The following RBFOX3 variants were observed in gnomAD, a reference collection of about 807,000 sequenced individuals.
RBFOX3 encodes the protein RNA binding fox-1 homolog 3.
A neutral mutation model predicts 48.7 loss-of-function variants in RBFOX3; 17 were observed. That is an observed-to-expected ratio of 0.35 (90% CI 0.24 to 0.52). The LOEUF (loss-of-function observed/expected upper bound fraction) is 0.52. Ranked by LOEUF, RBFOX3 falls within the 20% of genes least tolerant of loss-of-function variation. The probability of loss-of-function intolerance (pLI) is 0.94; values close to 1 mark genes in which losing one functional copy is unlikely to be tolerated. For missense variants in RBFOX3, 382 were observed against 497.5 expected, an observed-to-expected ratio of 0.77 and a Z score of 2.21; for synonymous variants, 212 against 209.5, an observed-to-expected ratio of 1.01 and a Z score of -0.10.
At chr17:79,451,411 C>T (rs2073479766) in intron 2 of RBFOX3, among the ~76,000 whole-genome samples, 1 of 152,164 alleles carries the variant, frequency 6.6e-6, no homozygotes. Flanking sequence ...AGCTTGTCAA[C>T]ATCTCAGAAG....
chr17:79,298,903 C>A (rs2074845411), intron 3 of RBFOX3, among the ~76,000 whole-genome samples: 1 of 152,154 alleles, frequency 6.6e-6, no homozygotes, highest in Non-Finnish European at 1.5e-5. Flanking sequence ...ACCTTGCTGG[C>A]AGGACAAGAC....
chr17:79,141,736 C>G (rs1352191245), intron 4 of RBFOX3, among the ~76,000 whole-genome samples: 2 of 152,184 alleles, frequency 1.3e-5, no homozygotes, highest in East Asian at 3.9e-4. Flanking sequence ...AGGCATAAGA[C>G]AGCCTCCCTG....
chr17:79,225,741 G>A (rs1370714408), intron 4 of RBFOX3, among the ~76,000 whole-genome samples: 1 of 152,214 alleles, frequency 6.6e-6, no homozygotes, highest in East Asian at 1.9e-4. Flanking sequence ...GGTCCCTTCT[G>A]CCTCAGCAGC....
At chr17:79,143,188 C>A in intron 4 of RBFOX3, among the ~76,000 whole-genome samples, 1 of 152,188 alleles carries the variant, frequency 6.6e-6, no homozygotes, top group East Asian at 1.9e-4. Flanking sequence ...GGCAGCCTTG[C>A]ATCTGACCGT....
chr17:79,095,396 C>T, intron 13 of RBFOX3, 117 bp downstream of exon 13: 1 of 892,022 alleles, frequency 1.1e-6, no homozygotes, highest in Non-Finnish European at 1.7e-6. Context: ...CGACCCTACT[C>T]CCGCCAGGCC....
At chr17:79,159,853 C>T (rs1449253884) in intron 4 of RBFOX3, among the ~76,000 whole-genome samples, 4 of 152,234 alleles carry the variant, frequency 2.6e-5, no homozygotes, top group Non-Finnish European at 4.4e-5. Flanking sequence ...TCGCTACTCC[C>T]ACCTCCCTCA....
In RBFOX3 at chr17:79,363,496, G is replaced by T. The variant is rs1288523468; in HGVS notation, c.-174-55672C>A. 6.6e-6 allele frequency among the ~76,000 whole-genome samples: 1 copy of T among 152,042 alleles called. No homozygotes were observed. Among genetic ancestry groups the T allele is most frequent in the African/African-American group, 2.4e-5 (1 of 41,368 alleles). The stretch of plus-strand genomic sequence containing the variant: ...TCCTCGGCTTTTTCAAGAAGCCTCA[G>T]AAGTATCTCAGAAGTATCTCAGATC... On this transcript the variant is annotated intron_variant, in intron 2 of 14. Transcript: ENST00000693108. This position sits in a 1 kb window ranked among gnomAD's most constrained non-coding sequence, Gnocchi z 4.7.
intron 4 of RBFOX3, among the ~76,000 whole-genome samples, chr17:79,167,525 C>T (rs975472877): frequency 6.6e-6 from 1 of 152,196 alleles, no homozygotes; most frequent in Non-Finnish European, 1.5e-5. Flanking sequence ...GAGTCCTTTC[C>T]TGGCCATCAC....
At chr17:79,545,601 T>A (rs1194075735) in intron 1 of RBFOX3, among the ~76,000 whole-genome samples, 2 of 152,216 alleles carry the variant, frequency 1.3e-5, no homozygotes, top group Admixed American at 6.5e-5. Context: ...ATTGGTTCAA[T>A]GTCTGCCTTC....
At chr17:79,116,956 G>A (rs1329476014) in intron 4 of RBFOX3, among the ~76,000 whole-genome samples, 1 of 152,220 alleles carries the variant, frequency 6.6e-6, no homozygotes, top group African/African-American at 2.4e-5. Context: ...AGCAATCTGC[G>A]TGCACTGAGA....
At chr17:79,491,491 T>A (rs1226634132) in intron 1 of RBFOX3, among the ~76,000 whole-genome samples, 1 of 151,854 alleles carries the variant, frequency 6.6e-6, no homozygotes, top group African/African-American at 2.4e-5. Flanking sequence ...GCCCAGGTGA[T>A]CCAATGGCCT....
intron 3 of RBFOX3, among the ~76,000 whole-genome samples, chr17:79,250,273 C>T (rs2063744890): frequency 6.6e-6 from 1 of 152,174 alleles, no homozygotes; most frequent in Non-Finnish European, 1.5e-5. Flanking sequence ...CATTGACAAG[C>T]AGCTAATTTG....
rs2078952425 is a variant in RBFOX3, at chr17:79,482,814, C to T, written c.-319-216G>A. ...AGTAAAAGGAAACTTGCAGAAAACA[C>T]ATCATTAGGACCCTATTGCCAAACA... On this transcript the variant is annotated intron_variant, in intron 1 of 14. Coordinates refer to ENST00000693108, the MANE Select transcript of RBFOX3 (RefSeq NM_001350451.2). This position sits in a 1 kb window ranked among gnomAD's most constrained non-coding sequence, Gnocchi z 4.1. 6.6e-6 allele frequency among the ~76,000 whole-genome samples: 1 copy of T among 152,008 alleles called. No homozygotes were observed. The highest frequency in any genetic ancestry group is 1.5e-5 in the Non-Finnish European group (1 of 68,006).
At chr17:79,624,684 G>A in the RBFOX3 span, among the ~76,000 whole-genome samples, 1 of 151,998 alleles carries the variant, frequency 6.6e-6, no homozygotes, top group East Asian at 1.9e-4. Context: ...TGGCCAAGGT[G>A]CTTCGGCACT....
intron 2 of RBFOX3, among the ~76,000 whole-genome samples, chr17:79,430,641 T>C (rs1555727972): frequency 1.3e-5 from 2 of 151,956 alleles, no homozygotes; most frequent in Non-Finnish European, 2.9e-5. Context: ...CGCCTCCGGG[T>C]TCAAGCGATT....
the RBFOX3 span, among the ~76,000 whole-genome samples, chr17:79,657,829 G>A: frequency 4.6e-5 from 7 of 152,296 alleles, no homozygotes; most frequent in South Asian, 2.1e-4. Context: ...CAATGAACAC[G>A]GATGTTTCCC....
Position 79,205,326 on chromosome 17 carries a change from T to C in RBFOX3, c.-34+30440A>G, listed in dbSNP as rs149390469. 8.8e-3 allele frequency among the ~76,000 whole-genome samples: 1,344 copies of C among 152,282 alleles called. 10 individuals are homozygous for C. Among genetic ancestry groups the C allele is most frequent in the Middle Eastern group, 0.024 (7 of 294 alleles). ...GGGTCCACAGAAACCCAGGGATATATGACATCCTGAACCACATCCATCTTA... is the reference window on the plus strand; with the variant it reads ...GGGTCCACAGAAACCCAGGGATATACGACATCCTGAACCACATCCATCTTA... On this transcript the variant is annotated intron_variant, in intron 4 of 14. Coordinates refer to ENST00000693108, the MANE Select transcript of RBFOX3 (RefSeq NM_001350451.2). The surrounding 1 kb of genome is among the most constrained non-coding windows in gnomAD (Gnocchi z 4.5).
chr17:79,518,895 G>A (rs1392173310), intron 1 of RBFOX3, among the ~76,000 whole-genome samples: 1 of 152,258 alleles, frequency 6.6e-6, no homozygotes, highest in Non-Finnish European at 1.5e-5. Flanking sequence ...CCGTCGTAGG[G>A]AGGGTGGAGA....
At chr17:79,331,356 C>T (rs1056751581) in intron 2 of RBFOX3, among the ~76,000 whole-genome samples, 4 of 152,168 alleles carry the variant, frequency 2.6e-5, no homozygotes, top group African/African-American at 7.2e-5. Context: ...TCCCCTGTCC[C>T]GTTCTGTTCA....
Sources: gnomAD v4.1 joint callset for allele counts (sites outside exome capture counted in the v4.1 genomes callset) on GRCh38, gnomAD v4.1.1 for gene constraint, Gnocchi (gnomAD v3.1) non-coding constraint, MANE v1.5 for transcripts, NCBI Gene and HGNC (gene_info 2026-07-23, HGNC 2026-07-21) for gene names.